Variants in ULK4 observed in about 807,000 individuals in gnomAD.
ULK4 encodes unc-51 like kinase 4, also known as inactive serine/threonine-protein kinase ULK4.
In ULK4, 133 loss-of-function variants were observed where a neutral mutation model predicts 160.6. The observed-to-expected ratio is 0.83, with a 90% CI of 0.72 to 0.96. ULK4 has a LOEUF of 0.96. Among genes scored for constraint, ULK4 ranks in the 40% least tolerant of loss-of-function variants. The pLI, the probability that ULK4 is intolerant of heterozygous loss-of-function variation, is 0.00. For missense variants in ULK4, 1,580 were observed against 1,499.5 expected, an observed-to-expected ratio of 1.05 and a Z score of -0.89; for synonymous variants, 534 against 539.8, an observed-to-expected ratio of 0.99 and a Z score of 0.15.
chr3:41,512,171 T>C (rs2085600070), intron 32 of ULK4, among the ~76,000 whole-genome samples: 1 of 152,174 alleles, frequency 6.6e-6, no homozygotes, highest in South Asian at 2.1e-4. Context: ...ACAGCCAACA[T>C]TATACTCAAC....
At chr3:41,306,358 C>T (rs1387113301) in intron 35 of ULK4, among the ~76,000 whole-genome samples, 1 of 137,058 alleles carries the variant, frequency 7.3e-6, no homozygotes, top group East Asian at 2.3e-4. Context: ...GGGGGGTCAG[C>T]CCCCCGCCCA....
chr3:41,855,244 C>A (rs1333481595), intron 17 of ULK4, among the ~76,000 whole-genome samples: 1 of 137,702 alleles, frequency 7.3e-6, no homozygotes, highest in Non-Finnish European at 1.5e-5. Context: ...GAGAAACATA[C>A]CCGTTTTCTA....
chr3:41,351,345 CA>C (rs1559538988), intron 35 of ULK4, among the ~76,000 whole-genome samples: 1 of 152,282 alleles, frequency 6.6e-6, no homozygotes, highest in African/African-American at 2.4e-5. Context: ...TCCTTATTCA[CA>C]AAAAGTTAAA....
chr3:41,959,361 C>T (rs1488882165), intron 1 of ULK4, among the ~76,000 whole-genome samples: 6 of 39,854 alleles, frequency 1.5e-4, no homozygotes, highest in South Asian at 1.7e-3. Context: ...AAGATTCCAT[C>T]TCAAAAAAAA....
chr3:41,829,483 A>C (rs188037064), intron 18 of ULK4, among the ~76,000 whole-genome samples: 1 of 152,282 alleles, frequency 6.6e-6, no homozygotes, highest in African/African-American at 2.4e-5. Flanking sequence ...AAGTGGGTGA[A>C]GGATATGAAC....
At position 41,732,449 on chromosome 3, in the gene ULK4, A is replaced by AAAT. The variant is rs1006688312; in HGVS notation, c.2322-14591_2322-14589dup. Among the ~76,000 whole-genome samples, 31 of 152,126 alleles carry AAAT rather than the reference A, an allele frequency of 2.0e-4. 1 individual carries two copies. Among genetic ancestry groups the AAAT allele is most frequent in the East Asian group, 5.8e-4 (3 of 5,178 alleles). On this transcript the variant is annotated intron_variant, in intron 22 of 36. Transcript: ENST00000301831. ...CCCCAGTTAGAGTGGCTATTAACAA[A>AAAT]AATAATAATAATAATAATGACAAAT...
At chr3:41,632,621 A>C (rs1326657873) in intron 30 of ULK4, among the ~76,000 whole-genome samples, 1 of 152,172 alleles carries the variant, frequency 6.6e-6, no homozygotes, top group Non-Finnish European at 1.5e-5. Flanking sequence ...AGAGCATTGC[A>C]AAGGCTTCAC....
intron 17 of ULK4, among the ~76,000 whole-genome samples, chr3:41,863,791 T>A (rs2042558524): frequency 6.6e-6 from 1 of 151,640 alleles, no homozygotes; most frequent in Non-Finnish European, 1.5e-5. Flanking sequence ...TGATGCCCTA[T>A]CTTGCTGTGG....
intron 35 of ULK4, among the ~76,000 whole-genome samples, chr3:41,389,891 T>C (rs2081913726): frequency 6.6e-6 from 1 of 152,224 alleles, no homozygotes; most frequent in Non-Finnish European, 1.5e-5. Flanking sequence ...CCTCATAAAA[T>C]GAGTTAGGAA....
At chr3:41,486,028 T>C (rs2084514955) in intron 32 of ULK4, among the ~76,000 whole-genome samples, 1 of 152,166 alleles carries the variant, frequency 6.6e-6, no homozygotes, top group Admixed American at 6.5e-5. Flanking sequence ...TGCCGTTCCT[T>C]GGTTTGCTGG....
At chr3:41,575,334 T>C (rs1253733781) in intron 31 of ULK4, among the ~76,000 whole-genome samples, 1 of 152,138 alleles carries the variant, frequency 6.6e-6, no homozygotes, top group Non-Finnish European at 1.5e-5. Context: ...TTTGCTCTGT[T>C]AGTTGTGCAG....
At chr3:41,732,421 T>C (rs915821767) in intron 22 of ULK4, among the ~76,000 whole-genome samples, 8 of 152,094 alleles carry the variant, frequency 5.3e-5, no homozygotes, top group African/African-American at 1.9e-4. Flanking sequence ...AGGTATCACC[T>C]CACCCCAGTT....
chr3:41,491,534 C>G (rs538521624), intron 32 of ULK4, among the ~76,000 whole-genome samples: 7 of 152,084 alleles, frequency 4.6e-5, no homozygotes, highest in African/African-American at 7.2e-5. Flanking sequence ...CATTTCAGAT[C>G]AGTGGAGAAA....
intron 2 of ULK4, among the ~76,000 whole-genome samples, 155 bp downstream of exon 2, chr3:41,954,467 A>G (rs1700417672): frequency 6.6e-6 from 1 of 152,218 alleles, no homozygotes; most frequent in Non-Finnish European, 1.5e-5. Flanking sequence ...CTCATTATTC[A>G]GGACTGGTGG....
chr3:41,602,392 TGGAAGGGGGAAG>T (rs1316291532), intron 31 of ULK4, among the ~76,000 whole-genome samples: 1 of 114,828 alleles, frequency 8.7e-6, no homozygotes, highest in Non-Finnish European at 1.8e-5. Context: ...GAAGGAGAAT[TGGAAGGGGGAAG>T]GGAAGGGGAA....
At chr3:41,383,201 C>T (rs1040281247) in intron 35 of ULK4, among the ~76,000 whole-genome samples, 2 of 151,712 alleles carry the variant, frequency 1.3e-5, no homozygotes, top group African/African-American at 2.4e-5. Flanking sequence ...TTGGTTCAAG[C>T]GATTCTCCTG....
intron 2 of ULK4, among the ~76,000 whole-genome samples, chr3:41,940,588 T>C (rs1048221748): frequency 8.6e-5 from 13 of 151,916 alleles, no homozygotes; most frequent in African/African-American, 2.9e-4. Context: ...AGCCCAGGAG[T>C]TCAAGGCTGC....
intron 35 of ULK4, among the ~76,000 whole-genome samples, chr3:41,267,773 C>T (rs917488187): frequency 6.6e-6 from 1 of 152,198 alleles, no homozygotes; most frequent in Admixed American, 6.5e-5. Flanking sequence ...CTGCTACTCT[C>T]GTTTACAGAT....
chr3:41,561,761 T>C (rs561721654), intron 32 of ULK4, among the ~76,000 whole-genome samples: 60 of 152,362 alleles, frequency 3.9e-4, no homozygotes, highest in African/African-American at 1.3e-3. Context: ...TTTTCTTCTA[T>C]ATTACTCTTG....
Sources: allele counts gnomAD v4.1 joint callset (sites outside exome capture counted in the v4.1 genomes callset), GRCh38; gene constraint gnomAD v4.1.1; transcripts MANE v1.5; gene names NCBI Gene and HGNC (gene_info 2026-07-23, HGNC 2026-07-21).